Variants in COL24A1 observed in about 807,000 individuals in gnomAD.
COL24A1 encodes the protein collagen type XXIV alpha 1 chain, also known as collagen alpha-1(XXIV) chain.
COL24A1 carries 224 observed loss-of-function variants against 253.9 expected under a neutral mutation model. The observed-to-expected ratio is 0.88, with a 90% CI of 0.79 to 0.99. The LOEUF (loss-of-function observed/expected upper bound fraction) is 0.99, where lower values mean the gene tolerates loss of function less well. COL24A1 is among the 50% of genes least tolerant of loss of function. The pLI is 0.00. For synonymous variants in COL24A1, 685 were observed against 673.7 expected, an observed-to-expected ratio of 1.02 and a Z score of -0.26; for missense variants, 2,131 against 2,068.5, an observed-to-expected ratio of 1.03 and a Z score of -0.59.
At chr1:85,827,313 C>G (rs1410573052) in intron 43 of COL24A1, among the ~76,000 whole-genome samples, 1 of 151,454 alleles carries the variant, frequency 6.6e-6, no homozygotes, top group Non-Finnish European at 1.5e-5. Flanking sequence ...TGATGTGCTG[C>G]TGGATTCAGT....
chr1:85,923,968 TA>T (rs1686866842), intron 24 of COL24A1, among the ~76,000 whole-genome samples: 1 of 151,926 alleles, frequency 6.6e-6, no homozygotes, highest in Non-Finnish European at 1.5e-5. Context: ...ACAGACGCAA[TA>T]AAAAATGATA....
At chr1:85,845,016 T>G (rs1475469598) in intron 39 of COL24A1, among the ~76,000 whole-genome samples, 2 of 151,904 alleles carry the variant, frequency 1.3e-5, no homozygotes, top group African/African-American at 4.8e-5. Flanking sequence ...AAGGATGGAA[T>G]GAAGAACGAT....
At chr1:85,837,160 T>A (rs1676089480) in intron 43 of COL24A1, among the ~76,000 whole-genome samples, 1 of 152,078 alleles carries the variant, frequency 6.6e-6, no homozygotes, top group Admixed American at 6.6e-5. Context: ...TTCAAATAAA[T>A]CCACTCAATT....
intron 13 of COL24A1, 35 bp downstream of exon 13, chr1:86,033,835 T>C: frequency 6.3e-7 from 1 of 1,588,096 alleles, no homozygotes; most frequent in Non-Finnish European, 8.6e-7. Context: ...TGAATGATGT[T>C]AGAATGCAAG....
At chr1:86,044,888 G>A (rs1394372014) in intron 12 of COL24A1, among the ~76,000 whole-genome samples, 1 of 152,142 alleles carries the variant, frequency 6.6e-6, no homozygotes, top group Non-Finnish European at 1.5e-5. Context: ...TATATAACAA[G>A]GGTTTTGAGA....
At chr1:86,140,705 GTGT>G (rs776695590) in intron 2 of COL24A1, among the ~76,000 whole-genome samples, 10 of 152,334 alleles carry the variant, frequency 6.6e-5, no homozygotes, top group Non-Finnish European at 1.5e-4. Flanking sequence ...TTGTAGAGAA[GTGT>G]TGTAGCTATG....
chr1:85,744,712 T>G lies in COL24A1; in HGVS notation c.4626A>C (p.Ala1542=). The change falls in exon 57 of 60, where the codon GCA becomes GCC. Residue 1542 remains alanine (A), a synonymous_variant. Transcript: ENST00000370571. ...AGTTAAGTAAATCTTTGCAGATTCGTGCTGGGTTATCTCGTGTGCCAAGAG... is the reference window on the plus strand; with the variant it reads ...AGTTAAGTAAATCTTTGCAGATTCGGGCTGGGTTATCTCGTGTGCCAAGAG... ...KNPLGTRDNP[A]RICKDLLNCE... 6.2e-7 allele frequency: 1 copy of G among 1,610,024 alleles called. No homozygotes were observed. Among genetic ancestry groups the G allele is most frequent in the Non-Finnish European group, 8.5e-7 (1 of 1,178,828 alleles).
chr1:85,823,498 C>A, intron 45 of COL24A1, 38 bp downstream of exon 45: 1 of 1,596,248 alleles, frequency 6.3e-7, no homozygotes, highest in Non-Finnish European at 8.6e-7. Flanking sequence ...AAATTGCTAA[C>A]AATACATCTC....
Position 86,089,994 on chromosome 1 carries a change from G to A in COL24A1, c.1654-767C>T, listed in dbSNP as rs191524745. On this transcript the variant is annotated intron_variant, in intron 6 of 59. Coordinates refer to ENST00000370571, the MANE Select transcript of COL24A1 (RefSeq NM_152890.7). ...GTGGTGGGACCAGCTAGGTTCACGT[G>A]ACGCACAGGAGGCACTTCCGCTTCT... 2.3e-3 allele frequency among the ~76,000 whole-genome samples: 346 copies of A among 152,294 alleles called. 1 individual carries two copies. The highest frequency in any genetic ancestry group is 3.7e-3 in the Non-Finnish European group (253 of 68,026).
intron 24 of COL24A1, among the ~76,000 whole-genome samples, chr1:85,929,883 A>C (rs1374253291): frequency 7.2e-6 from 1 of 138,692 alleles, no homozygotes; most frequent in African/African-American, 2.7e-5. Context: ...CTTTGAAACC[A>C]ACGAGAACAA....
intron 23 of COL24A1, among the ~76,000 whole-genome samples, chr1:85,961,796 A>T (rs1167119979): frequency 1.3e-5 from 2 of 152,142 alleles, no homozygotes; most frequent in Admixed American, 1.3e-4. Context: ...GTGAGAGCAA[A>T]GGGTGAAGTG....
intron 14 of COL24A1, among the ~76,000 whole-genome samples, chr1:86,027,774 A>G (rs1698180781): frequency 6.6e-6 from 1 of 152,124 alleles, no homozygotes; most frequent in African/African-American, 2.4e-5. Flanking sequence ...CATCTTCCAG[A>G]CCCCAGAATG....
At chr1:85,972,134 A>G (rs1257929402) in intron 20 of COL24A1, among the ~76,000 whole-genome samples, 3 of 152,190 alleles carry the variant, frequency 2.0e-5, no homozygotes, top group Non-Finnish European at 2.9e-5. Context: ...ATTATTCAAG[A>G]TGCCAGCAAA....
intron 47 of COL24A1, among the ~76,000 whole-genome samples, chr1:85,813,135 G>GT (rs1672710243): frequency 6.9e-6 from 1 of 145,028 alleles, no homozygotes; most frequent in African/African-American, 2.6e-5. Flanking sequence ...CCAGTGCTAA[G>GT]TGAAAAAAAA....
intron 14 of COL24A1, among the ~76,000 whole-genome samples, chr1:86,031,323 T>G (rs78513458): frequency 0.075 from 11,311 of 151,194 alleles, 990 homozygotes; most frequent in African/African-American, 0.22. Context: ...GATCTAGTAT[T>G]CCACAGCACA....
intron 55 of COL24A1, among the ~76,000 whole-genome samples, chr1:85,755,308 CA>C (rs1666116644): frequency 6.6e-6 from 1 of 152,076 alleles, no homozygotes; most frequent in Non-Finnish European, 1.5e-5. Flanking sequence ...GGGAGTCATT[CA>C]GGCCTAAAGT....
chr1:85,985,891 A>G (rs1693682509), intron 20 of COL24A1, among the ~76,000 whole-genome samples: 2 of 151,826 alleles, frequency 1.3e-5, no homozygotes, highest in Admixed American at 6.6e-5. Context: ...CTGATAAACT[A>G]CAGGATGCTC....
chr1:86,129,992 G>A (rs974942934), intron 2 of COL24A1, among the ~76,000 whole-genome samples: 22 of 151,606 alleles, frequency 1.5e-4, no homozygotes, highest in African/African-American at 4.6e-4. Context: ...TGTCTATTTG[G>A]CCTTTTCTCT....
intron 55 of COL24A1, among the ~76,000 whole-genome samples, chr1:85,756,648 A>G (rs1251315851): frequency 1.3e-5 from 2 of 152,228 alleles, no homozygotes; most frequent in Admixed American, 1.3e-4. Flanking sequence ...TATGGAAAAC[A>G]GTATGGCAGT....
Sources: gnomAD v4.1 joint callset for allele counts (sites outside exome capture counted in the v4.1 genomes callset) on GRCh38, gnomAD v4.1.1 for gene constraint, MANE v1.5 for transcripts, NCBI Gene and HGNC (gene_info 2026-07-23, HGNC 2026-07-21) for gene names.